Variants in FHIT observed in about 807,000 individuals in gnomAD.
The protein encoded by FHIT is fragile histidine triad diadenosine triphosphatase.
A neutral mutation model predicts 17.9 loss-of-function variants in FHIT; 19 were observed. That is an observed-to-expected ratio of 1.06 (90% confidence interval 0.74 to 1.56). The LOEUF is 1.56. Ranked by LOEUF, FHIT falls within the 40% of genes most tolerant of loss-of-function variation. The pLI, the probability that FHIT is intolerant of heterozygous loss-of-function variation, is 0.00. For missense variants in FHIT, 248 were observed against 189.2 expected (o/e 1.31, Z -1.82); for synonymous variants, 81 against 69.7 (o/e 1.16, Z -0.81).
intron 5 of FHIT, among the ~76,000 whole-genome samples, chr3:60,120,472 A>G (rs896021740): frequency 2.0e-5 from 3 of 152,222 alleles, no homozygotes; most frequent in African/African-American, 7.2e-5. Context: ...AGGTATTATT[A>G]TGCTGATGAA....
intron 5 of FHIT, among the ~76,000 whole-genome samples, chr3:60,269,810 G>A (rs896376872): frequency 2.0e-5 from 3 of 152,214 alleles, no homozygotes; most frequent in African/African-American, 7.2e-5. Flanking sequence ...AAGTGTTACA[G>A]GAACTTTGAG....
Position 60,079,468 on chromosome 3 carries a change from C to T in FHIT, c.104-65316G>A, listed in dbSNP as rs541940929. ...TCAGAACAGTTAAAAATAGTTTTTCCTTAAGCAGCCTCCCTCTGCTCCCTG... is the reference window on the plus strand; with the variant it reads ...TCAGAACAGTTAAAAATAGTTTTTCTTTAAGCAGCCTCCCTCTGCTCCCTG... On this transcript the variant is annotated intron_variant, in intron 5 of 9. Transcript: ENST00000492590. 2.0e-5 allele frequency among the ~76,000 whole-genome samples: 3 copies of T among 151,914 alleles called. No homozygotes were observed. In the South Asian group the frequency reaches 6.3e-4, roughly 32 times the overall value.
intron 4 of FHIT, among the ~76,000 whole-genome samples, chr3:60,722,999 GCATGAAC>G (rs1159336589): frequency 3.9e-5 from 6 of 152,092 alleles, no homozygotes; most frequent in African/African-American, 1.4e-4. Flanking sequence ...GGGATTACAG[GCATGAAC>G]CACCGTTCCT....
chr3:60,526,145 C>CAT (rs1490624106), intron 5 of FHIT, among the ~76,000 whole-genome samples: 3 of 151,244 alleles, frequency 2.0e-5, no homozygotes, highest in Non-Finnish European at 4.4e-5. Flanking sequence ...CATACACACA[C>CAT]ACACACACAC....
intron 7 of FHIT, among the ~76,000 whole-genome samples, chr3:59,978,107 T>C (rs891646995): frequency 2.5e-4 from 38 of 152,246 alleles, no homozygotes; most frequent in Admixed American, 6.5e-4. Flanking sequence ...GTAAGTATTA[T>C]TGCTAATTTC....
At chr3:60,478,017 G>A (rs567225300) in intron 5 of FHIT, among the ~76,000 whole-genome samples, 209 of 152,236 alleles carry the variant, frequency 1.4e-3, no homozygotes, top group African/African-American at 4.7e-3. Context: ...GGTCTTCACA[G>A]CAGAAAATAA....
At chr3:59,878,233 G>A (rs190113736) in intron 8 of FHIT, among the ~76,000 whole-genome samples, 6 of 152,088 alleles carry the variant, frequency 3.9e-5, no homozygotes, top group Admixed American at 3.3e-4. Flanking sequence ...TTTTCCCAAG[G>A]CCATGGTTAC....
intron 4 of FHIT, among the ~76,000 whole-genome samples, chr3:60,702,481 T>C (rs2041271887): frequency 6.6e-6 from 1 of 152,060 alleles, no homozygotes; most frequent in African/African-American, 2.4e-5. Context: ...GCCTTTTTTG[T>C]TAAATTGTTA....
chr3:60,067,709 G>A (rs1702578729), intron 5 of FHIT, among the ~76,000 whole-genome samples: 2 of 152,158 alleles, frequency 1.3e-5, no homozygotes, highest in African/African-American at 4.8e-5. Context: ...GAAGGCTCAA[G>A]TGTTGTGGTA....
intron 8 of FHIT, among the ~76,000 whole-genome samples, chr3:59,790,253 A>G (rs1480684453): frequency 2.6e-5 from 4 of 152,186 alleles, no homozygotes; most frequent in South Asian, 2.1e-4. Flanking sequence ...TTGAACCCCA[A>G]TTGCTTCATA....
At chr3:60,199,394 C>G (rs1702795115) in intron 5 of FHIT, among the ~76,000 whole-genome samples, 1 of 152,100 alleles carries the variant, frequency 6.6e-6, no homozygotes, top group African/African-American at 2.4e-5. Flanking sequence ...CCATCAGTGA[C>G]TCATGACCAT....
chr3:60,796,069 C>G (rs1700970930), intron 4 of FHIT, among the ~76,000 whole-genome samples: 1 of 152,058 alleles, frequency 6.6e-6, no homozygotes, highest in African/African-American at 2.4e-5. Context: ...AAGCAGAAAC[C>G]CCTGATAAAC....
chr3:60,115,102 C>T (rs1020360988), intron 5 of FHIT, among the ~76,000 whole-genome samples: 4 of 152,038 alleles, frequency 2.6e-5, no homozygotes, highest in Non-Finnish European at 5.9e-5. Flanking sequence ...ACAGAAGAAA[C>T]TTTTATCTGG....
chr3:60,412,847 A>T (rs911891787), intron 5 of FHIT, among the ~76,000 whole-genome samples: 2 of 152,118 alleles, frequency 1.3e-5, no homozygotes, highest in Non-Finnish European at 2.9e-5. Context: ...TGCTCTTGTG[A>T]TCATAAGTAA....
chr3:59,751,018 TTATCTAATTC>T (rs1484136027), intron 9 of FHIT: 1 of 174,916 alleles, frequency 5.7e-6, no homozygotes, highest in East Asian at 9.4e-5. Context: ...TAATTTGGAA[TTATCTAATTC>T]TAAAAACAAA....
intron 5 of FHIT, among the ~76,000 whole-genome samples, chr3:60,434,070 G>C (rs1189166497): frequency 6.6e-6 from 1 of 151,932 alleles, no homozygotes; most frequent in Non-Finnish European, 1.5e-5. Context: ...GTTTCACTTT[G>C]AGCTTATTTT....
intron 2 of FHIT, among the ~76,000 whole-genome samples, chr3:61,042,959 A>C (rs9311790): frequency 6.6e-6 from 1 of 152,066 alleles, no homozygotes; most frequent in African/African-American, 2.4e-5. Context: ...ATTAAAACAT[A>C]CAAAATTTTT....
intron 3 of FHIT, among the ~76,000 whole-genome samples, chr3:60,945,468 C>A (rs1341232809): frequency 1.3e-5 from 2 of 152,194 alleles, no homozygotes; most frequent in East Asian, 3.9e-4. Flanking sequence ...TCTTGGCTCA[C>A]TGCAACCTCT....
At chr3:61,053,214 C>G (rs2034090704) in intron 2 of FHIT, among the ~76,000 whole-genome samples, 1 of 152,104 alleles carries the variant, frequency 6.6e-6, no homozygotes. Flanking sequence ...TATGGTGACA[C>G]ATGGAATTCT....
Sources: allele counts gnomAD v4.1 joint callset (sites outside exome capture counted in the v4.1 genomes callset), GRCh38; gene constraint gnomAD v4.1.1; transcripts MANE v1.5; gene names NCBI Gene and HGNC (gene_info 2026-07-23, HGNC 2026-07-21).